The following RBM23 variants were observed in gnomAD, a reference collection of about 807,000 sequenced individuals.
RBM23 encodes the protein RNA binding motif protein 23, also known as probable RNA-binding protein 23.
A neutral mutation model predicts 56.2 loss-of-function variants in RBM23; 53 were observed. The ratio of observed to expected loss-of-function variants is 0.94; its 90% CI spans 0.76 to 1.19. The LOEUF (loss-of-function observed/expected upper bound fraction) is 1.19, where lower values mean the gene tolerates loss of function less well. Among genes scored for constraint, RBM23 ranks in the 50% most tolerant of loss-of-function variants. The pLI is 0.00. For missense variants in RBM23, 642 were observed against 590.3 expected, an observed-to-expected ratio of 1.09 and a Z score of -0.91; for synonymous variants, 197 against 198.5, an observed-to-expected ratio of 0.99 and a Z score of 0.06.
intron 9 of RBM23, 111 bp downstream of exon 9, chr14:22,904,764 G>T: frequency 1.4e-6 from 2 of 1,480,830 alleles, no homozygotes; most frequent in Non-Finnish European, 1.8e-6. Flanking sequence ...TGCCCACTAT[G>T]ACGTATGCAG....
At position 22,900,329 on chromosome 14, in the gene RBM23, A is replaced by ACCC. The variant is rs34197647; in HGVS notation, c.*1398_*1400dup. The ACCC allele has an allele frequency of 9.0e-5, 12 of 132,648 alleles. No homozygotes were observed. The highest frequency in any genetic ancestry group is 1.3e-4 in the Non-Finnish European group (8 of 63,108). 8.2% of individuals were successfully genotyped at this position (132,648 alleles called of 1,614,324 possible). ...TGGTACTTAACTCTTCAAGATCACA[A>ACCC]CCCCCCCCCCTCCCCGCCCCGCCCC... On this transcript the variant is annotated 3_prime_UTR_variant, in exon 14 of 14. Coordinates refer to ENST00000359890, the MANE Select transcript of RBM23 (RefSeq NM_001077351.2).
At position 22,901,897 on chromosome 14, in the gene RBM23, A is replaced by C; in HGVS notation, c.1247-14T>G. ...CTGGACTCAGAGCTAGAACAAAGAC[A>C]GGCAGAGTGAGTGAGCAAGCACCGC... is the stretch of plus-strand genomic sequence containing the variant. On this transcript the variant is annotated splice_polypyrimidine_tract_variant and intron_variant, in intron 12 of 13. Coordinates refer to ENST00000359890, the MANE Select transcript of RBM23 (RefSeq NM_001077351.2). The C allele has an allele frequency of 6.2e-7, 1 of 1,614,226 alleles. No individual in the cohort carries two copies. The highest frequency in any genetic ancestry group is 8.5e-7 in the Non-Finnish European group (1 of 1,180,020).
Position 22,905,770 on chromosome 14 carries a change from G to A in RBM23, c.402-111C>T, listed in dbSNP as rs2041430453. ...GTACTTCATCTCATTGTTTTTTTAA[G>A]ACAGGGTTTCCGCTGTCACCCAGGC... is the stretch of plus-strand genomic sequence containing the variant. On this transcript the variant is annotated intron_variant, in intron 5 of 13. Coordinates refer to ENST00000359890, the MANE Select transcript of RBM23 (RefSeq NM_001077351.2). 2.2e-5 allele frequency: 19 copies of A among 881,130 alleles called. No individual in the cohort carries two copies. The South Asian group carries it at 2.3e-4, about 10-fold the overall frequency. 54.6% of individuals were successfully genotyped at this position (881,130 alleles called of 1,614,324 possible).
intron 3 of RBM23, chr14:22,908,629 A>G (rs2041972110): frequency 5.4e-6 from 2 of 373,200 alleles, no homozygotes; most frequent in Non-Finnish European, 9.7e-6. Context: ...CCTGGCCTCA[A>G]GTGATCCACC....
intron 2 of RBM23, 61 bp from the exon 3 acceptor site, chr14:22,909,656 G>T: frequency 7.8e-7 from 1 of 1,280,234 alleles, no homozygotes; most frequent in Non-Finnish European, 1.1e-6. Context: ...AGATTCCAAT[G>T]GGCAAAGGGA....
chr14:22,912,998 CAAAAAAAAAAAAAAA>C (rs58361546), intron 1 of RBM23, among the ~76,000 whole-genome samples: 3 of 35,412 alleles, frequency 8.5e-5, no homozygotes, highest in African/African-American at 4.8e-4. Context: ...GATTCAGTCT[CAAAAAAAAAAAAAAA>C]AAAAAAAAAA....
At chr14:22,902,126 A>G in intron 11 of RBM23, 27 bp from the exon 12 acceptor site, 1 of 1,605,102 alleles carries the variant, frequency 6.2e-7, no homozygotes, top group South Asian at 1.1e-5. Flanking sequence ...AGGTGGGATT[A>G]AGCCCCAACC....
At chr14:22,906,155 A>C (rs374427734) in intron 5 of RBM23, 40 bp downstream of exon 5, 9 of 1,607,784 alleles carry the variant, frequency 5.6e-6, no homozygotes, top group Non-Finnish European at 7.7e-6. Flanking sequence ...TTTTATCCAG[A>C]TTATTATACA....
rs546748436 is a variant in RBM23 at position 22,910,450 on chromosome 14, CAAAAAAAAAAAAAAA to C, written c.66+863_67-856del. Among the ~76,000 whole-genome samples, 17 of 71,154 alleles carry C rather than the reference CAAAAAAAAAAAAAAA, an allele frequency of 2.4e-4. 1 individual carries two copies. Among genetic ancestry groups the C allele is most frequent in the Admixed American group, 2.4e-3 (12 of 5,058 alleles). The allele number at this position is 71,154 out of a possible 152,430, so 46.7% of individuals were successfully genotyped here. ...CTGGGCAATGAGTGAAACTTCATCT[CAAAAAAAAAAAAAAA>C]AAAAAAAAAAGAAAGGAAAAAAGAA... On this transcript the variant is annotated intron_variant, in intron 2 of 13. Transcript: ENST00000359890.
Position 22,911,317 on chromosome 14 carries a change from G to GAA in RBM23, c.66+9_66+10dup, listed in dbSNP as rs1462498200. On this transcript the variant is annotated intron_variant, in intron 2 of 13. Coordinates refer to ENST00000359890, the MANE Select transcript of RBM23 (RefSeq NM_001077351.2). ...TTAACCCAATTCCAGGAGTGAGGTGGAAAATATTACCTCTTCTTTTTTATA... is the reference window on the plus strand; with the variant it reads ...TTAACCCAATTCCAGGAGTGAGGTGGAAAAAATATTACCTCTTCTTTTTTATA... The GAA allele has an allele frequency of 6.2e-7, 1 of 1,612,470 alleles. No homozygotes were observed. The highest frequency in any genetic ancestry group is 1.7e-5 in the Admixed American group (1 of 59,902).
At chr14:22,916,987 G>A (rs567273229) in intron 1 of RBM23, 1 of 152,094 alleles carries the variant, frequency 6.6e-6, no homozygotes, top group African/African-American at 2.4e-5. Flanking sequence ...TCCTGTCTCA[G>A]TCTCCCAAGT....
At chr14:22,908,630 G>A (rs938322606) in intron 3 of RBM23, 3 of 371,638 alleles carry the variant, frequency 8.1e-6, no homozygotes, top group Non-Finnish European at 9.8e-6. Flanking sequence ...CTGGCCTCAA[G>A]TGATCCACCT....
Position 22,897,233 on chromosome 14 carries a change from G to A in RBM23, c.*4497C>T, listed in dbSNP as rs188206384. 1 of 152,290 alleles carries A rather than the reference G, an allele frequency of 6.6e-6. No individual in the cohort carries two copies. Among genetic ancestry groups the A allele is most frequent in the East Asian group, 1.9e-4 (1 of 5,178 alleles). The allele number at this position is 152,290 out of a possible 1,614,324, so 9.4% of individuals were successfully genotyped here. On this transcript the variant is annotated 3_prime_UTR_variant, in exon 14 of 14. Transcript: ENST00000359890. ...AAGCAATCATGAGAAAGACATCCAAGTCTGGCCTCATCAGGCTGTAACCAT... is the reference window on the plus strand; with the variant it reads ...AAGCAATCATGAGAAAGACATCCAAATCTGGCCTCATCAGGCTGTAACCAT...
Position 22,904,307 on chromosome 14 carries a change from A to C in RBM23, c.884T>G (p.Met295Arg). 6.2e-7 allele frequency: 1 copy of C among 1,610,140 alleles called. No homozygotes were observed. The highest frequency in any genetic ancestry group is 8.5e-7 in the Non-Finnish European group (1 of 1,176,534). ...PFGKIDNIVLMKDSDTGRSKG... is the reference protein window; with the variant it reads ...PFGKIDNIVLRKDSDTGRSKG... ...AGAGCGGCCTGTATCTGAGTCCTTC[A>C]TCAGGACAATATTATCAATCTGTAG... The change falls in exon 10 of 14, where the codon ATG (methionine) becomes AGG (arginine). Residue 295 changes from methionine to arginine, a missense_variant. Coordinates refer to ENST00000359890, the MANE Select transcript of RBM23 (RefSeq NM_001077351.2).
intron 9 of RBM23, 72 bp downstream of exon 9, chr14:22,904,803 G>A: frequency 6.3e-7 from 1 of 1,595,080 alleles, no homozygotes; most frequent in Non-Finnish European, 8.6e-7. Context: ...GCACAACAGA[G>A]AAGTACACTC....
intron 2 of RBM23, among the ~76,000 whole-genome samples, chr14:22,910,667 G>A (rs118088059): frequency 0.042 from 6,369 of 151,838 alleles, 181 homozygotes; most frequent in South Asian, 0.084. Flanking sequence ...CTGGGAGCTC[G>A]AGACCAGCCC....
Position 22,896,229 on chromosome 14 carries a change from G to A in RBM23, c.*5501C>T, listed in dbSNP as rs1002411239. 1 of 152,168 alleles carries A rather than the reference G, an allele frequency of 6.6e-6. No individual in the cohort carries two copies. The highest frequency in any genetic ancestry group is 2.4e-5 in the African/African-American group (1 of 41,436). 9.4% of individuals were successfully genotyped at this position (152,168 alleles called of 1,614,324 possible). A position where few individuals can be genotyped will look rare whatever the true frequency, so the allele number is the denominator to read the frequency against. On this transcript the variant is annotated 3_prime_UTR_variant, in exon 14 of 14. Coordinates refer to ENST00000359890, the MANE Select transcript of RBM23 (RefSeq NM_001077351.2). ...ATTCTCACAACATCCCTATGAGATAGGTGTTATCATTTCCTTTTTACAGAT... is the reference window on the plus strand; with the variant it reads ...ATTCTCACAACATCCCTATGAGATAAGTGTTATCATTTCCTTTTTACAGAT...
rs1429657425 is a variant in RBM23 at position 22,894,057 on chromosome 14, G to A, written c.*7673C>T. The A allele has an allele frequency of 2.0e-5, 3 of 152,150 alleles. No individual in the cohort carries two copies. Among genetic ancestry groups the A allele is most frequent in the East Asian group, 1.9e-4 (1 of 5,194 alleles). 9.4% of individuals were successfully genotyped at this position (152,150 alleles called of 1,614,324 possible). A position where few individuals can be genotyped will look rare whatever the true frequency, so the allele number is the denominator to read the frequency against. On this transcript the variant is annotated 3_prime_UTR_variant, in exon 14 of 14. Transcript: ENST00000359890. ...AAATGAAGAATACCTACCTTATAGC[G>A]AAGTCATGAGGACTAAATAAAAGAG...
In RBM23 at chr14:22,893,276, C is replaced by G. The variant is rs1190618237; in HGVS notation, c.*8454G>C. ...ATCAATCTAAGTAAATTTTCCTGGA[C>G]ATTTTAATCTTTCATCCACAAATGC... is the stretch of plus-strand genomic sequence containing the variant. On this transcript the variant is annotated 3_prime_UTR_variant, in exon 14 of 14. Transcript: ENST00000359890. 6.6e-6 allele frequency: 1 copy of G among 152,230 alleles called. No individual in the cohort carries two copies. Among genetic ancestry groups the G allele is most frequent in the Non-Finnish European group, 1.5e-5 (1 of 68,046 alleles). The allele number at this position is 152,230 out of a possible 1,614,324, so 9.4% of individuals were successfully genotyped here. A position where few individuals can be genotyped will look rare whatever the true frequency, so the allele number is the denominator to read the frequency against.
Sources: gnomAD v4.1 joint callset for allele counts (sites outside exome capture counted in the v4.1 genomes callset) on GRCh38, gnomAD v4.1.1 for gene constraint, MANE v1.5 for transcripts, NCBI Gene and HGNC (gene_info 2026-07-23, HGNC 2026-07-21) for gene names.